Variants in RANBP3L observed in about 807,000 individuals in gnomAD.
The protein encoded by RANBP3L is ran-binding protein 3-like.
A neutral mutation model predicts 67.2 loss-of-function variants in RANBP3L; 56 were observed. The observed-to-expected ratio is 0.83, with a 90% CI of 0.67 to 1.04. RANBP3L has a LOEUF of 1.04. Among genes scored for constraint, RANBP3L ranks in the 50% least tolerant of loss-of-function variants. The pLI, the probability that RANBP3L is intolerant of heterozygous loss-of-function variation, is 0.00. For synonymous variants in RANBP3L, 164 were observed against 181.4 expected (o/e 0.90, Z 0.77); for missense variants, 496 against 535.5 (o/e 0.93, Z 0.73).
At chr5:36,265,833 C>CA (rs1749732383) in intron 4 of RANBP3L, among the ~76,000 whole-genome samples, 1 of 151,712 alleles carries the variant, frequency 6.6e-6, no homozygotes, top group African/African-American at 2.4e-5. Context: ...AATAATGAGC[C>CA]GGGCGTGGTG....
At chr5:36,260,183 C>G (rs958140145) in intron 8 of RANBP3L, among the ~76,000 whole-genome samples, 1 of 138,414 alleles carries the variant, frequency 7.2e-6, no homozygotes, top group African/African-American at 2.7e-5. Context: ...GAAACCCCAT[C>G]TCTACTAAAA....
At chr5:36,296,899 A>G (rs189781353) in intron 1 of RANBP3L, among the ~76,000 whole-genome samples, 2 of 151,770 alleles carry the variant, frequency 1.3e-5, no homozygotes, top group East Asian at 3.9e-4. Flanking sequence ...CAACTGCAGA[A>G]TTAGCTCTTC....
At chr5:36,277,766 A>G (rs1353971611) in intron 1 of RANBP3L, among the ~76,000 whole-genome samples, 1 of 152,136 alleles carries the variant, frequency 6.6e-6, no homozygotes, top group Middle Eastern at 3.2e-3. Flanking sequence ...CACTCACTAT[A>G]TTAGTCTGTT....
Position 36,257,413 on chromosome 5 carries a change from A to C in RANBP3L, c.772+41T>G, listed in dbSNP as rs182979617. 881 of 887,030 alleles carry C rather than the reference A, an allele frequency of 9.9e-4. 5 individuals carry two copies. The African/African-American group carries it at 0.013, about 13-fold the overall frequency. 54.9% of individuals were successfully genotyped at this position (887,030 alleles called of 1,614,324 possible). ...TTAATAAATAAAAAACAGGAGACAA[A>C]CTAGGTGAATCTAATGTTTTACAAA... On this transcript the variant is annotated intron_variant, in intron 9 of 13. Coordinates refer to ENST00000296604, the MANE Select transcript of RANBP3L (RefSeq NM_145000.5).
At chr5:36,279,062 A>G (rs1750794743) in intron 1 of RANBP3L, among the ~76,000 whole-genome samples, 13 of 152,178 alleles carry the variant, frequency 8.5e-5, no homozygotes. Context: ...AAAAACTGAC[A>G]TTATCTGCAG....
At chr5:36,264,306 G>A (rs1749601119) in intron 6 of RANBP3L, among the ~76,000 whole-genome samples, 1 of 152,170 alleles carries the variant, frequency 6.6e-6, no homozygotes, top group South Asian at 2.1e-4. Flanking sequence ...CCTATCTTGA[G>A]TCCTATTCCT....
chr5:36,283,181 C>T (rs1211215362), intron 1 of RANBP3L, among the ~76,000 whole-genome samples: 1 of 152,048 alleles, frequency 6.6e-6, no homozygotes, highest in Non-Finnish European at 1.5e-5. Context: ...CCTCAGCCTC[C>T]TGAGTAGCTG....
intron 1 of RANBP3L, among the ~76,000 whole-genome samples, chr5:36,289,036 C>T (rs973685749): frequency 1.3e-5 from 2 of 151,912 alleles, no homozygotes; most frequent in African/African-American, 2.4e-5. Context: ...TACATTTCTT[C>T]TAGAAGCTTT....
At chr5:36,276,131 G>T (rs1002515697) in intron 1 of RANBP3L, among the ~76,000 whole-genome samples, 1 of 152,074 alleles carries the variant, frequency 6.6e-6, no homozygotes, top group Non-Finnish European at 1.5e-5. Context: ...TGGAAATAAA[G>T]GTATAAGTAA....
At chr5:36,258,491 A>G (rs542165999) in intron 8 of RANBP3L, among the ~76,000 whole-genome samples, 10 of 152,336 alleles carry the variant, frequency 6.6e-5, no homozygotes, top group Non-Finnish European at 1.3e-4. Flanking sequence ...TAGTCAGCCA[A>G]TAAGCCAAGA....
At chr5:36,298,105 C>A (rs920129505) in intron 1 of RANBP3L, among the ~76,000 whole-genome samples, 5 of 151,826 alleles carry the variant, frequency 3.3e-5, no homozygotes, top group Non-Finnish European at 7.4e-5. Flanking sequence ...TCGAGACCAG[C>A]CTCACCAATA....
Position 36,284,817 on chromosome 5 carries a change from T to C in RANBP3L, c.92-13506A>G, listed in dbSNP as rs115667355. Among the ~76,000 whole-genome samples, 373 of 152,342 alleles carry C rather than the reference T, an allele frequency of 2.4e-3. 1 individual carries two copies. The highest frequency in any genetic ancestry group is 8.5e-3 in the African/African-American group (353 of 41,582). ...CAACTGTTTCTTTTCCAGTCAAATA[T>C]ACCCTTTTGGGAGACAGTTGGATGT... On this transcript the variant is annotated intron_variant, in intron 1 of 13. Transcript: ENST00000296604.
At chr5:36,261,388 G>T (rs563010318) in intron 7 of RANBP3L, among the ~76,000 whole-genome samples, 2 of 152,150 alleles carry the variant, frequency 1.3e-5, no homozygotes, top group South Asian at 4.1e-4. Context: ...ATGTGCTCAG[G>T]GTTCGGCATT....
chr5:36,290,867 G>T (rs1227777021), intron 1 of RANBP3L, among the ~76,000 whole-genome samples: 8 of 149,656 alleles, frequency 5.3e-5, no homozygotes, highest in Non-Finnish European at 1.2e-4. Flanking sequence ...GAGTAGCTGG[G>T]ACTACAGGCA....
At chr5:36,268,233 T>TGG (rs1421857903) in intron 4 of RANBP3L, 2 of 1,538,892 alleles carry the variant, frequency 1.3e-6, no homozygotes, top group Non-Finnish European at 1.8e-6. Context: ...TAGTGACGGA[T>TGG]GAACATCTCA....
intron 7 of RANBP3L, among the ~76,000 whole-genome samples, chr5:36,261,322 A>G (rs1246486977): frequency 1.3e-5 from 2 of 152,094 alleles, no homozygotes; most frequent in Non-Finnish European, 2.9e-5. Context: ...TTTAATGTTA[A>G]AAGTGTTTTT....
intron 1 of RANBP3L, among the ~76,000 whole-genome samples, chr5:36,299,929 T>C (rs565999887): frequency 6.6e-6 from 1 of 152,272 alleles, no homozygotes; most frequent in South Asian, 2.1e-4. Flanking sequence ...AGCAAAGGAA[T>C]AATCCATACA....
chr5:36,280,663 C>T (rs934969247), intron 1 of RANBP3L, among the ~76,000 whole-genome samples: 3 of 152,100 alleles, frequency 2.0e-5, no homozygotes, highest in South Asian at 2.1e-4. Flanking sequence ...ATGATCATCA[C>T]GTGCAGTGCT....
chr5:36,264,716 C>A (rs1579703115), intron 6 of RANBP3L, among the ~76,000 whole-genome samples: 2 of 152,148 alleles, frequency 1.3e-5, no homozygotes, highest in Non-Finnish European at 2.9e-5. Context: ...TGGCACAAGA[C>A]CCCCAGATTT....
Sources: gnomAD v4.1 joint callset for allele counts (sites outside exome capture counted in the v4.1 genomes callset) on GRCh38, gnomAD v4.1.1 for gene constraint, MANE v1.5 for transcripts, NCBI Gene and HGNC (gene_info 2026-07-23, HGNC 2026-07-21) for gene names.